Variants in C4orf50 observed in about 807,000 individuals in gnomAD.
C4orf50 encodes the protein chromosome 4 open reading frame 50.
A neutral mutation model predicts 77.2 loss-of-function variants in C4orf50; 80 were observed. The ratio of observed to expected loss-of-function variants is 1.04; its 90% confidence interval spans 0.87 to 1.25. The LOEUF (loss-of-function observed/expected upper bound fraction) is 1.25, where lower values mean the gene tolerates loss of function less well. C4orf50 is among the 50% of genes most tolerant of loss of function. The pLI, the probability that C4orf50 is intolerant of heterozygous loss-of-function variation, is 0.00. For missense variants in C4orf50, 1,257 were observed against 1,152.9 expected (o/e 1.09, Z -1.31); for synonymous variants, 532 against 465.3 (o/e 1.14, Z -1.84).
intron 29 of C4orf50, among the ~76,000 whole-genome samples, chr4:5,976,859 G>T (rs1243423240): frequency 6.6e-6 from 1 of 152,240 alleles, no homozygotes; most frequent in African/African-American, 2.4e-5. Context: ...GCTCCCCATG[G>T]AGGGGGTTCC....
chr4:6,017,399 GT>G lies in C4orf50; in HGVS notation c.287+745del, dbSNP rs1248696051. Among the ~76,000 whole-genome samples the G allele has an allele frequency of 2.6e-5, 4 of 152,276 alleles. No individual in the cohort carries two copies. The highest frequency in any genetic ancestry group is 2.9e-5 in the Non-Finnish European group (2 of 68,046). The stretch of plus-strand genomic sequence containing the variant: ...TACAGCCACAGTGGGAGATGTCACT[GT>G]GGGAACAAGAGTGACTTTATTTTAA... On this transcript the variant is annotated intron_variant, in intron 23 of 33. Transcript: ENST00000531445. This position sits in a 1 kb window ranked among gnomAD's most constrained non-coding sequence, Gnocchi z 4.7.
intron 23 of C4orf50, among the ~76,000 whole-genome samples, chr4:6,013,392 G>C (rs1379361168): frequency 2.6e-5 from 4 of 152,170 alleles, no homozygotes; most frequent in African/African-American, 7.2e-5. Context: ...CTAGTTTTGA[G>C]ACCAATCTGT....
rs578116062 is a variant in C4orf50 at position 5,971,834 on chromosome 4, C to G, written c.4104+1825G>C. 2.0e-5 allele frequency among the ~76,000 whole-genome samples: 3 copies of G among 152,238 alleles called. No homozygotes were observed. In the South Asian group the frequency reaches 6.2e-4, roughly 32 times the overall value. On this transcript the variant is annotated intron_variant, in intron 31 of 33. Coordinates refer to ENST00000531445, the Ensembl canonical transcript of C4orf50. ...GTTTGGTCATTGTAAGTCAGCCGATCCAACCCCAGTGAACATTTCAATTCT... is the reference window on the plus strand; with the variant it reads ...GTTTGGTCATTGTAAGTCAGCCGATGCAACCCCAGTGAACATTTCAATTCT...
Position 5,959,571 on chromosome 4 carries a change from G to A in C4orf50, c.4331C>T (p.Thr1444Ile), listed in dbSNP as rs115984513. The change falls in exon 34 of 34, where the codon ACT becomes ATT. Residue 1444 changes from threonine to isoleucine, a missense_variant. Coordinates refer to ENST00000531445, the Ensembl canonical transcript of C4orf50. ...TTGTGCGGGGAGACCTGGTTCCACA[G>A]TGACCGCTGCCAGGCACGTTCCAGG... The A allele has an allele frequency of 1.1e-4, 176 of 1,614,150 alleles. 1 individual carries two copies. In the East Asian group the frequency reaches 3.9e-3, roughly 36 times the overall value.
At chr4:5,982,005 G>A (rs1720616116) in intron 28 of C4orf50, among the ~76,000 whole-genome samples, 1 of 152,028 alleles carries the variant, frequency 6.6e-6, no homozygotes, top group South Asian at 2.1e-4. Context: ...GTGACTCCAG[G>A]GCTGCTGGGG....
chr4:5,993,260 C>T (rs6844204), intron 26 of C4orf50, among the ~76,000 whole-genome samples: 13,429 of 152,312 alleles, frequency 0.088, 779 homozygotes, highest in Non-Finnish European at 0.12. Context: ...ATGAGCCTCA[C>T]CCCAGCTCTG....
At chr4:5,963,314 C>T (rs117960324) in intron 33 of C4orf50, among the ~76,000 whole-genome samples, 1 of 152,008 alleles carries the variant, frequency 6.6e-6, no homozygotes, top group Non-Finnish European at 1.5e-5. Flanking sequence ...TATCTTCTAC[C>T]TGCTGCTGAT....
At chr4:5,963,340 A>T (rs918414149) in intron 33 of C4orf50, among the ~76,000 whole-genome samples, 35 of 152,174 alleles carry the variant, frequency 2.3e-4, no homozygotes, top group Non-Finnish European at 3.7e-4. Flanking sequence ...AGATTAAAAT[A>T]AAAAATCAGA....
At chr4:5,930,396 C>T (rs931385771) in intron 7 of C4orf50, among the ~76,000 whole-genome samples, 5 of 152,334 alleles carry the variant, frequency 3.3e-5, no homozygotes, top group Non-Finnish European at 7.3e-5. Context: ...CTTCCTATCC[C>T]CGCAGGCTGA....
chr4:6,002,469 T>C (rs560160222), intron 25 of C4orf50, among the ~76,000 whole-genome samples: 1 of 152,358 alleles, frequency 6.6e-6, no homozygotes, highest in South Asian at 2.1e-4. Context: ...GTGCCTTGCC[T>C]GTTTCCTCAA....
Position 5,916,932 on chromosome 4 carries a change from G to A in C4orf50, c.*2475-18744C>T, listed in dbSNP as rs993442263. 4.6e-5 allele frequency among the ~76,000 whole-genome samples: 7 copies of A among 152,098 alleles called. No homozygotes were observed. The highest frequency in any genetic ancestry group is 1.7e-4 in the African/African-American group (7 of 41,418). ...ATCGGGCCCAAACACATCACTATGT[G>A]GACTGAAGAGGGTGGAAATCCAGAG... On this transcript the variant is annotated intron_variant, in intron 7 of 7. Transcript: ENST00000324058. This position sits in a 1 kb window ranked among gnomAD's most constrained non-coding sequence, Gnocchi z 4.4.
chr4:5,917,303 A>G (rs73065561), intron 7 of C4orf50, among the ~76,000 whole-genome samples: 90 of 152,248 alleles, frequency 5.9e-4, no homozygotes, highest in African/African-American at 2.0e-3. Flanking sequence ...GAACCATAAT[A>G]TACAGGAAAG....
At chr4:6,004,026 T>G (rs1722023467) in intron 25 of C4orf50, among the ~76,000 whole-genome samples, 1 of 13,762 alleles carries the variant, frequency 7.3e-5, no homozygotes, top group Non-Finnish European at 1.8e-4. Flanking sequence ...ATGGTGATAA[T>G]GTGATAGTGA....
chr4:5,946,595 G>T (rs1472336626), intron 7 of C4orf50, among the ~76,000 whole-genome samples: 1 of 152,214 alleles, frequency 6.6e-6, no homozygotes, highest in South Asian at 2.1e-4. Flanking sequence ...TCCCTTATTT[G>T]GGAATGTTAT....
At chr4:5,936,475 T>C (rs1718018253) in intron 7 of C4orf50, among the ~76,000 whole-genome samples, 1 of 148,210 alleles carries the variant, frequency 6.7e-6, no homozygotes, top group African/African-American at 2.5e-5. Context: ...TGCAGGAGAA[T>C]TGCTTGAACC....
chr4:5,961,348 A>C (rs1719264035), intron 33 of C4orf50, among the ~76,000 whole-genome samples: 1 of 152,256 alleles, frequency 6.6e-6, no homozygotes, highest in Admixed American at 6.5e-5. Flanking sequence ...TGATAAGGAT[A>C]GTTTAAGCCA....
rs1323455013 is a variant in C4orf50, at chr4:6,007,479, C to A, written c.963+517G>T. Among the ~76,000 whole-genome samples, 2 of 152,192 alleles carry A rather than the reference C, an allele frequency of 1.3e-5. No individual in the cohort carries two copies. Among genetic ancestry groups the A allele is most frequent in the Non-Finnish European group, 2.9e-5 (2 of 68,040 alleles). ...AGCAGGCCCTCCCCCAACACCAAAT[C>A]TGCTGGTGCCTTGATCTTGGACCTC... On this transcript the variant is annotated intron_variant, in intron 25 of 33. Coordinates refer to ENST00000531445, the Ensembl canonical transcript of C4orf50. This position sits in a 1 kb window ranked among gnomAD's most constrained non-coding sequence, Gnocchi z 4.1.
intron 28 of C4orf50, among the ~76,000 whole-genome samples, chr4:5,984,406 C>G (rs1359947105): frequency 6.6e-6 from 1 of 152,100 alleles, no homozygotes; most frequent in African/African-American, 2.4e-5. Flanking sequence ...AAAAACAAAA[C>G]AAAACCAAAC....
chr4:5,936,867 CAG>C (rs1052955688), intron 7 of C4orf50, among the ~76,000 whole-genome samples: 1 of 151,600 alleles, frequency 6.6e-6, no homozygotes, highest in African/African-American at 2.4e-5. Flanking sequence ...TAAAAGCAAT[CAG>C]AGAGAGAGAA....
Sources: gnomAD v4.1 joint callset for allele counts (sites outside exome capture counted in the v4.1 genomes callset) on GRCh38, gnomAD v4.1.1 for gene constraint, Gnocchi (gnomAD v3.1) non-coding constraint, MANE v1.5 for transcripts, NCBI Gene and HGNC (gene_info 2026-07-23, HGNC 2026-07-21) for gene names.